The following TMEM242 variants were observed in gnomAD, a reference collection of about 807,000 sequenced individuals.
TMEM242 encodes the protein transmembrane protein 242, also known as UPF0463 transmembrane protein C6orf35.
Under a neutral mutation model 18.2 loss-of-function variants are expected in TMEM242, and 10 were observed. That is an observed-to-expected ratio of 0.55 (90% CI 0.34 to 0.93). The LOEUF is 0.93. Ranked by LOEUF, TMEM242 falls within the 40% of genes least tolerant of loss-of-function variation. The probability of loss-of-function intolerance (pLI) is 0.02; values close to 1 mark genes in which losing one functional copy is unlikely to be tolerated. For missense variants in TMEM242, 186 were observed against 175.5 expected (o/e 1.06, Z -0.34); for synonymous variants, 57 against 69.9 (o/e 0.81, Z 0.92).
intron 2 of TMEM242, among the ~76,000 whole-genome samples, chr6:157,320,998 CTTTTTTTT>C (rs201521248): frequency 7.4e-6 from 1 of 135,592 alleles, no homozygotes; most frequent in South Asian, 2.3e-4. Context: ...TTTCCCATTT[CTTTTTTTT>C]TTTTTCTTTT....
chr6:157,320,477 T>C (rs1169703242), intron 2 of TMEM242, among the ~76,000 whole-genome samples: 1 of 152,230 alleles, frequency 6.6e-6, no homozygotes, highest in Non-Finnish European at 1.5e-5. Flanking sequence ...CTTTTATTTA[T>C]TTATATTTTT....
At chr6:157,314,464 G>A (rs970539820) in intron 3 of TMEM242, among the ~76,000 whole-genome samples, 28 of 149,688 alleles carry the variant, frequency 1.9e-4, no homozygotes, top group African/African-American at 6.4e-4. Flanking sequence ...GATAAAATTG[G>A]TGCTATCTTA....
intron 3 of TMEM242, among the ~76,000 whole-genome samples, chr6:157,297,038 T>G (rs183883884): frequency 6.6e-6 from 1 of 152,258 alleles, no homozygotes; most frequent in Non-Finnish European, 1.5e-5. Flanking sequence ...ATAGGCCATA[T>G]AGCCAGTAGG....
At chr6:157,308,568 T>C (rs1777947015) in intron 3 of TMEM242, among the ~76,000 whole-genome samples, 1 of 152,240 alleles carries the variant, frequency 6.6e-6, no homozygotes, top group South Asian at 2.1e-4. Flanking sequence ...TTTATTTACA[T>C]GTTTTACTTT....
Position 157,292,795 on chromosome 6 carries a change from C to T in TMEM242, c.*106G>A, listed in dbSNP as rs1220508013. ...CCAGTGCACTGGTTCAGTCAGCAATCTGCCCATGTTCCTGGGAGAAATCAG... is the reference window on the plus strand; with the variant it reads ...CCAGTGCACTGGTTCAGTCAGCAATTTGCCCATGTTCCTGGGAGAAATCAG... On this transcript the variant is annotated 3_prime_UTR_variant, in exon 4 of 4. Coordinates refer to ENST00000400788, the MANE Select transcript of TMEM242 (RefSeq NM_018452.6). 2 of 867,634 alleles carry T rather than the reference C, an allele frequency of 2.3e-6. No homozygotes were observed. The highest frequency in any genetic ancestry group is 3.8e-6 in the Non-Finnish European group (2 of 532,836). 53.7% of individuals were successfully genotyped at this position (867,634 alleles called of 1,614,324 possible).
At chr6:157,312,964 G>C (rs1583570509) in intron 3 of TMEM242, among the ~76,000 whole-genome samples, 2 of 150,126 alleles carry the variant, frequency 1.3e-5, no homozygotes, top group African/African-American at 4.9e-5. Flanking sequence ...CCTCATCATA[G>C]TGCCTCAGTG....
At chr6:157,310,670 G>T (rs1025155153) in intron 3 of TMEM242, among the ~76,000 whole-genome samples, 3 of 150,962 alleles carry the variant, frequency 2.0e-5, no homozygotes, top group Non-Finnish European at 2.9e-5. Context: ...TCATCATAGT[G>T]TCCCAGTGTG....
In TMEM242 at chr6:157,303,945, G is replaced by C. The variant is rs1777867639; in HGVS notation, c.328-10946C>G. ...AGAGGGCCACAAAGAATAGAATAAA[G>C]GCAAAAAGTCAATTCAAAGAGCAAT... On this transcript the variant is annotated intron_variant, in intron 3 of 3. Coordinates refer to ENST00000400788, the MANE Select transcript of TMEM242 (RefSeq NM_018452.6). Among the ~76,000 whole-genome samples the C allele has an allele frequency of 3.3e-5, 5 of 152,128 alleles. 1 individual carries two copies. The South Asian group carries it at 1.0e-3, about 32-fold the overall frequency.
Position 157,291,275 on chromosome 6 carries a change from AAC to A in TMEM242, c.*1624_*1625del, listed in dbSNP as rs1468822971. The stretch of plus-strand genomic sequence containing the variant: ...AAATAAAACCCAGATTCTAGCTGTA[AAC>A]AGTTTTAGGTAGTGCCCATTCTTTT... On this transcript the variant is annotated 3_prime_UTR_variant, in exon 4 of 4. Transcript: ENST00000400788. 6.6e-6 allele frequency: 1 copy of A among 152,234 alleles called. No homozygotes were observed. The highest frequency in any genetic ancestry group is 1.5e-5 in the Non-Finnish European group (1 of 68,046). 9.4% of individuals were successfully genotyped at this position (152,234 alleles called of 1,614,324 possible). A position where few individuals can be genotyped will look rare whatever the true frequency, so the allele number is the denominator to read the frequency against.
intron 3 of TMEM242, among the ~76,000 whole-genome samples, chr6:157,297,927 T>G (rs991710212): frequency 6.6e-6 from 1 of 152,214 alleles, no homozygotes; most frequent in East Asian, 1.9e-4. Context: ...ATTTTTACTT[T>G]CTCCCCAACT....
intron 3 of TMEM242, among the ~76,000 whole-genome samples, chr6:157,312,830 G>GCC (rs1562385420): frequency 6.7e-6 from 1 of 148,476 alleles, no homozygotes; most frequent in Non-Finnish European, 1.5e-5. Flanking sequence ...TCATCATAGT[G>GCC]CCACAGTGTG....
Position 157,306,115 on chromosome 6 carries a change from T to C in TMEM242, c.327+12667A>G, listed in dbSNP as rs138417344. On this transcript the variant is annotated intron_variant, in intron 3 of 3. Coordinates refer to ENST00000400788, the MANE Select transcript of TMEM242 (RefSeq NM_018452.6). ...ATAACGATGGGAGCAAGGTCCCTTG[T>C]AGATGACGAGGGGCAGGATCTAATG... 6.7e-3 allele frequency among the ~76,000 whole-genome samples: 1,026 copies of C among 152,300 alleles called. 11 individuals are homozygous for C. The highest frequency in any genetic ancestry group is 0.024 in the African/African-American group (989 of 41,556).
At chr6:157,299,648 A>T in intron 3 of TMEM242, 1 of 1,610,046 alleles carries the variant, frequency 6.2e-7, no homozygotes, top group Non-Finnish European at 8.5e-7. Context: ...AATACCGGAA[A>T]TCATTAACTT....
chr6:157,295,984 C>T (rs1179184905), intron 3 of TMEM242, among the ~76,000 whole-genome samples: 1 of 152,136 alleles, frequency 6.6e-6, no homozygotes, highest in Non-Finnish European at 1.5e-5. Flanking sequence ...ATCGTTTCCA[C>T]CTATATCAAT....
At chr6:157,312,841 C>T (rs1554249448) in intron 3 of TMEM242, among the ~76,000 whole-genome samples, 1 of 151,142 alleles carries the variant, frequency 6.6e-6, no homozygotes, top group African/African-American at 2.4e-5. Flanking sequence ...CCACAGTGTG[C>T]ACTCACCTGG....
Position 157,299,718 on chromosome 6 carries a change from C to G in TMEM242, c.328-6719G>C, listed in dbSNP as rs1302749101. On this transcript the variant is annotated intron_variant, in intron 3 of 3. Coordinates refer to ENST00000400788, the MANE Select transcript of TMEM242 (RefSeq NM_018452.6). ...CGCGTTTCTCCCTTTTCTTGACGTG[C>G]ACCTTCTGTGATAATCACTAGGCTG... is the stretch of plus-strand genomic sequence containing the variant. 5.6e-6 allele frequency: 9 copies of G among 1,605,590 alleles called. No homozygotes were observed. The African/African-American group carries it at 1.2e-4, about 21-fold the overall frequency.
chr6:157,321,153 C>T (rs1310877763), intron 2 of TMEM242, among the ~76,000 whole-genome samples: 1 of 151,918 alleles, frequency 6.6e-6, no homozygotes, highest in African/African-American at 2.4e-5. Flanking sequence ...GGACTACAGG[C>T]ACCCGCCACC....
At chr6:157,312,441 A>G in intron 3 of TMEM242, among the ~76,000 whole-genome samples, 1 of 79,792 alleles carries the variant, frequency 1.3e-5, no homozygotes, top group Middle Eastern at 0.013. Context: ...GTGTGCACTC[A>G]CCGAGCCTCA....
intron 1 of TMEM242, 46 bp downstream of exon 1, chr6:157,323,366 G>C: frequency 6.3e-7 from 1 of 1,597,416 alleles, no homozygotes; most frequent in African/African-American, 1.3e-5. Context: ...CCAGGGTCCG[G>C]GGTTAACTCA....
Sources: gnomAD v4.1 joint callset for allele counts (sites outside exome capture counted in the v4.1 genomes callset) on GRCh38, gnomAD v4.1.1 for gene constraint, MANE v1.5 for transcripts, NCBI Gene and HGNC (gene_info 2026-07-23, HGNC 2026-07-21) for gene names.